PPIL3: variants seen among roughly 807,000 people sequenced by gnomAD.
The protein encoded by PPIL3 is peptidyl-prolyl cis-trans isomerase-like 3.
Under a neutral mutation model 20.9 loss-of-function variants are expected in PPIL3, and 13 were observed. The observed-to-expected ratio is 0.62, with a 90% CI of 0.40 to 0.99. PPIL3 has a LOEUF of 0.99. PPIL3 is among the 50% of genes least tolerant of loss of function. PPIL3 has a pLI of 0.00. For synonymous variants in PPIL3, 71 were observed against 64.4 expected, an observed-to-expected ratio of 1.10 and a Z score of -0.49; for missense variants, 170 against 195.2, an observed-to-expected ratio of 0.87 and a Z score of 0.77.
intron 3 of PPIL3, among the ~76,000 whole-genome samples, chr2:200,882,950 A>G (rs934757414): frequency 1.3e-5 from 2 of 151,208 alleles, no homozygotes; most frequent in African/African-American, 4.8e-5. Context: ...AGGGCCTAAC[A>G]AGCCCTGCAG....
At chr2:200,878,096 G>A (rs995342419) in intron 5 of PPIL3, among the ~76,000 whole-genome samples, 2 of 152,054 alleles carry the variant, frequency 1.3e-5, no homozygotes, top group African/African-American at 4.8e-5. Context: ...TCCCTAAAAG[G>A]TGTCCACCAA....
At chr2:200,876,857 A>C (rs2039535987) in intron 6 of PPIL3, 62 bp downstream of exon 6, 2 of 1,195,824 alleles carry the variant, frequency 1.7e-6, no homozygotes, top group African/African-American at 3.0e-5. Flanking sequence ...CTACTGTCAC[A>C]GCTAAGCATA....
upstream of PPIL3, chr2:200,889,139 C>T (rs1426970736): frequency 2.3e-6 from 1 of 435,890 alleles, no homozygotes; most frequent in Non-Finnish European, 4.7e-6. Flanking sequence ...ATCTTCCTAT[C>T]TCAAACCAAA....
intron 6 of PPIL3, among the ~76,000 whole-genome samples, chr2:200,873,195 C>CTTT (rs533187117): frequency 1.4e-5 from 2 of 140,702 alleles, no homozygotes; most frequent in African/African-American, 5.2e-5. Context: ...GTATTTCTTT[C>CTTT]TTTTTTTTTT....
chr2:200,882,895 C>CAA (rs758646970), intron 3 of PPIL3, among the ~76,000 whole-genome samples: 2 of 73,858 alleles, frequency 2.7e-5, no homozygotes, highest in Non-Finnish European at 2.8e-5. Context: ...GACTCCGTCT[C>CAA]AAAAAAAAAA....
chr2:200,875,905 T>C (rs2039493362), intron 6 of PPIL3, among the ~76,000 whole-genome samples: 1 of 152,284 alleles, frequency 6.6e-6, no homozygotes, highest in Middle Eastern at 3.4e-3. Context: ...AAGCACCTTT[T>C]GTCTTTCCTC....
chr2:200,887,483 T>C, intron 2 of PPIL3, 130 bp downstream of exon 2: 1 of 495,096 alleles, frequency 2.0e-6, no homozygotes, highest in Non-Finnish European at 3.5e-6. Context: ...TATTCCATAT[T>C]AAGTGCTTCT....
In PPIL3 at chr2:200,871,769, A is replaced by G. The variant is rs376828212; in HGVS notation, c.360-248T>C. On this transcript the variant is annotated intron_variant, in intron 6 of 6. Coordinates refer to ENST00000392283, the MANE Select transcript of PPIL3 (RefSeq NM_130906.3). ...TATTTCCACCATAGTACCTAAAATT[A>G]TATTCTACCCCATTCATACAGTGAC... is the stretch of plus-strand genomic sequence containing the variant. 1.8e-3 allele frequency among the ~76,000 whole-genome samples: 272 copies of G among 152,334 alleles called. 2 individuals carry two copies. Among genetic ancestry groups the G allele is most frequent in the African/African-American group, 6.2e-3 (256 of 41,574 alleles).
At chr2:200,885,859 T>C in intron 2 of PPIL3, 87 bp from the exon 3 acceptor site, 1 of 765,394 alleles carries the variant, frequency 1.3e-6, no homozygotes, top group Non-Finnish European at 2.1e-6. Context: ...ATATTCAAGA[T>C]GATAATCTGA....
intron 6 of PPIL3, among the ~76,000 whole-genome samples, chr2:200,873,522 T>C (rs1559334589): frequency 6.6e-6 from 1 of 152,028 alleles, no homozygotes. Context: ...TGCTTCTGGA[T>C]AACAACAAGA....
Position 200,876,971 on chromosome 2 carries a change from T to C in PPIL3, c.307A>G (p.Ile103Val), listed in dbSNP as rs1167057138. The stretch of plus-strand genomic sequence containing the variant: ...AAATGTGGCTGTTTGCCATAGGTGA[T>C]GAAGAACTGAGATCCATTGGTGTTC... ...GPNTNGSQFF[I>V]TYGKQPHLDM... The change falls in exon 6 of 7, where the codon ATC becomes GTC. Residue 103 changes from isoleucine to valine, a missense_variant. Physicochemically the swap from Ile to Val is conservative, Grantham distance 29. Transcript: ENST00000392283. The C allele has an allele frequency of 6.2e-7, 1 of 1,613,870 alleles. No homozygotes were observed. Among genetic ancestry groups the C allele is most frequent in the East Asian group, 2.2e-5 (1 of 44,890 alleles).
chr2:200,873,702 G>C (rs944116772), intron 6 of PPIL3, among the ~76,000 whole-genome samples: 1 of 150,916 alleles, frequency 6.6e-6, no homozygotes, highest in Non-Finnish European at 1.5e-5. Flanking sequence ...TCTTGACCTC[G>C]TGATCTGCCC....
At chr2:200,882,520 T>TAGC in intron 3 of PPIL3, 85 bp from the exon 4 acceptor site, 1 of 837,732 alleles carries the variant, frequency 1.2e-6, no homozygotes, top group South Asian at 1.3e-5. Context: ...GAAAACGTGA[T>TAGC]AGCAGCATAT....
intron 5 of PPIL3, among the ~76,000 whole-genome samples, chr2:200,879,560 T>G (rs2039642562): frequency 6.6e-6 from 1 of 152,148 alleles, no homozygotes; most frequent in African/African-American, 2.4e-5. Context: ...TCCAGCCAAG[T>G]GCAGTGGCTC....
At chr2:200,878,963 T>C (rs886790113) in intron 5 of PPIL3, among the ~76,000 whole-genome samples, 2 of 152,200 alleles carry the variant, frequency 1.3e-5, no homozygotes, top group Non-Finnish European at 2.9e-5. Flanking sequence ...AGACTTTTGC[T>C]ATTACAAACA....
rs530715071 is a variant in PPIL3, at chr2:200,873,522, TAAC to T, written c.360-2004_360-2002del. ...GGCATTTCTACTTTTTGCTTCTGGATAACAACAAGAAGTAATAAAAATAGGAGA... is the reference window on the plus strand; with the variant it reads ...GGCATTTCTACTTTTTGCTTCTGGATAACAAGAAGTAATAAAAATAGGAGA... On this transcript the variant is annotated intron_variant, in intron 6 of 6. Coordinates refer to ENST00000392283, the MANE Select transcript of PPIL3 (RefSeq NM_130906.3). 1.9e-4 allele frequency among the ~76,000 whole-genome samples: 29 copies of T among 152,146 alleles called. No individual in the cohort carries two copies. In the East Asian group the frequency reaches 5.6e-3, roughly 29 times the overall value.
At chr2:200,871,598 C>G in intron 6 of PPIL3, 77 bp from the exon 7 acceptor site, 2 of 1,284,362 alleles carry the variant, frequency 1.6e-6, no homozygotes, top group African/African-American at 1.5e-5. Context: ...CAATTACAGT[C>G]TCCTTAAAAA....
In PPIL3 at chr2:200,882,413, C is replaced by T; in HGVS notation, c.101G>A (p.Ser34Asn). The T allele has an allele frequency of 6.2e-7, 1 of 1,606,220 alleles. No individual in the cohort carries two copies. The highest frequency in any genetic ancestry group is 8.5e-7 in the Non-Finnish European group (1 of 1,172,884). The change falls in exon 4 of 7, where the codon AGT becomes AAT. Residue 34 changes from serine to asparagine, a missense_variant. Ser to Asn is a conservative substitution (Grantham distance 46). Transcript: ENST00000392283. ...AAATATACAGCCATTGTAGTAATTA[C>T]TGGCACAAAGAGCCAAGAAATTCTG... Reference protein sequence around the residue: ...TCENFLALCASNYYNGCIFHR... With the variant: ...TCENFLALCANNYYNGCIFHR...
intron 6 of PPIL3, among the ~76,000 whole-genome samples, chr2:200,872,560 C>G (rs919777081): frequency 2.0e-5 from 3 of 152,016 alleles, no homozygotes; most frequent in African/African-American, 7.3e-5. Context: ...GGCAACCAGC[C>G]CTCCATACTG....
Sources: allele counts gnomAD v4.1 joint callset (sites outside exome capture counted in the v4.1 genomes callset), GRCh38; gene constraint gnomAD v4.1.1; transcripts MANE v1.5; gene names NCBI Gene and HGNC (gene_info 2026-07-23, HGNC 2026-07-21).